Variants in RCCD1 observed in about 807,000 individuals in gnomAD.
RCCD1 encodes RCC1 domain containing 1.
A neutral mutation model predicts 37.6 loss-of-function variants in RCCD1; 40 were observed. That is an observed-to-expected ratio of 1.06 (90% confidence interval 0.83 to 1.39). The LOEUF (loss-of-function observed/expected upper bound fraction) is 1.39. RCCD1 is among the 40% of genes most tolerant of loss of function. RCCD1 has a pLI of 0.00. For synonymous variants in RCCD1, 263 were observed against 230.0 expected, an observed-to-expected ratio of 1.14 and a Z score of -1.30; for missense variants, 577 against 517.3, an observed-to-expected ratio of 1.12 and a Z score of -1.12.
chr15:90,960,547 G>GA, intron 6 of RCCD1, 49 bp downstream of exon 6: 1 of 1,560,310 alleles, frequency 6.4e-7, no homozygotes, highest in Non-Finnish European at 8.7e-7. Context: ...GGTGCCTACG[G>GA]AAGGGGGTGT....
rs546518627 is a variant in RCCD1, at chr15:90,962,782, T to C, written c.*1013T>C. The C allele has an allele frequency of 6.6e-6, 1 of 152,364 alleles. No individual in the cohort carries two copies. The highest frequency in any genetic ancestry group is 1.9e-4 in the East Asian group (1 of 5,196). The allele number at this position is 152,364 out of a possible 1,614,324, so 9.4% of individuals were successfully genotyped here. On this transcript the variant is annotated 3_prime_UTR_variant, in exon 8 of 8. Transcript: ENST00000394258. Reference sequence around the variant, plus strand: ...ATGTTCTGTATTTTCCTTAGTGATTTTTCTTTTGGATATTTCAGATACAAG... The same window carrying C: ...ATGTTCTGTATTTTCCTTAGTGATTCTTCTTTTGGATATTTCAGATACAAG...
rs776268289 is a variant in RCCD1 at position 90,957,593 on chromosome 15, C to G, written c.558-11C>G. 3 of 1,614,020 alleles carry G rather than the reference C, an allele frequency of 1.9e-6. No individual in the cohort carries two copies. The highest frequency in any genetic ancestry group is 2.5e-6 in the Non-Finnish European group (3 of 1,180,018). Reference sequence around the variant, plus strand: ...ATGCGACTGTAGCTGACGACGGTCTCCCTTGCTCAGGCATGGACAGCTGGG... The same window carrying G: ...ATGCGACTGTAGCTGACGACGGTCTGCCTTGCTCAGGCATGGACAGCTGGG... On this transcript the variant is annotated splice_polypyrimidine_tract_variant and intron_variant, in intron 3 of 7. Transcript: ENST00000394258.
At position 90,962,405 on chromosome 15, in the gene RCCD1, G is replaced by T. The variant is rs561698126; in HGVS notation, c.*636G>T. 8 of 152,250 alleles carry T rather than the reference G, an allele frequency of 5.3e-5. No homozygotes were observed. Among genetic ancestry groups the T allele is most frequent in the African/African-American group, 1.9e-4 (8 of 41,538 alleles). 9.4% of individuals were successfully genotyped at this position (152,250 alleles called of 1,614,324 possible). On this transcript the variant is annotated 3_prime_UTR_variant, in exon 8 of 8. Transcript: ENST00000394258. ...GTCATTCCACATAATTCTTTGTGCA[G>T]TCTTCTGCACATGTGCACAAGTTCC...
chr15:90,961,141 T>C (rs2037307048), intron 7 of RCCD1, 87 bp downstream of exon 7: 1 of 1,351,500 alleles, frequency 7.4e-7, no homozygotes, highest in Non-Finnish European at 1.0e-6. Context: ...CCAACAAGAC[T>C]GGAGGAAGCA....
At position 90,961,859 on chromosome 15, in the gene RCCD1, G is replaced by T. The variant is rs1263364594; in HGVS notation, c.*90G>T. ...CCTGCACCCCAAGGGCCCCATATTT[G>T]CCCCTCCCCATCACAGTCCTGCCCT... On this transcript the variant is annotated 3_prime_UTR_variant, in exon 8 of 8. Transcript: ENST00000394258. The T allele has an allele frequency of 8.1e-6, 11 of 1,360,118 alleles. No individual in the cohort carries two copies. Among genetic ancestry groups the T allele is most frequent in the Non-Finnish European group, 1.1e-5 (11 of 985,568 alleles). 84.3% of individuals were successfully genotyped at this position (1,360,118 alleles called of 1,614,324 possible). A position where few individuals can be genotyped will look rare whatever the true frequency, so the allele number is the denominator to read the frequency against.
At chr15:90,961,126 C>G in intron 7 of RCCD1, 72 bp downstream of exon 7, 2 of 1,445,324 alleles carry the variant, frequency 1.4e-6, no homozygotes, top group Non-Finnish European at 1.9e-6. Context: ...GGGCAGGTGA[C>G]AAAGCCAACA....
intron 7 of RCCD1, 55 bp downstream of exon 7, chr15:90,961,109 G>A (rs2037306613): frequency 1.9e-6 from 3 of 1,557,828 alleles, no homozygotes; most frequent in Non-Finnish European, 2.6e-6. Context: ...AAAGACCTGG[G>A]AGTACAGGGC....
intron 1 of RCCD1, 188 bp downstream of exon 1, chr15:90,955,136 A>C (rs551805489): frequency 6.6e-6 from 1 of 152,188 alleles, no homozygotes; most frequent in South Asian, 2.1e-4. Flanking sequence ...CCTTGGTCCA[A>C]CGCCCCTCGG....
chr15:90,959,878 G>T, intron 4 of RCCD1, 22 bp from the exon 5 acceptor site: 2 of 1,553,586 alleles, frequency 1.3e-6, no homozygotes, highest in Non-Finnish European at 1.8e-6. Context: ...TCTGTTTCAT[G>T]TGTCCCCTTG....
At chr15:90,960,266 T>C (rs1369993399) in intron 5 of RCCD1, 62 bp from the exon 6 acceptor site, 9 of 1,492,964 alleles carry the variant, frequency 6.0e-6, no homozygotes, top group African/African-American at 1.4e-5. Flanking sequence ...AATAAGTGAC[T>C]GCATGAATAA....
At chr15:90,958,627 C>CAAAAAA (rs5814447) in intron 4 of RCCD1, among the ~76,000 whole-genome samples, 25 of 74,962 alleles carry the variant, frequency 3.3e-4, no homozygotes, top group Non-Finnish European at 5.1e-4. Context: ...GACTCAGTCT[C>CAAAAAA]AAAAAAAAAA....
In RCCD1 at chr15:90,954,895, G is replaced by A. The variant is rs1481357960; in HGVS notation, c.-177G>A. 6.6e-6 allele frequency: 1 copy of A among 152,366 alleles called. No homozygotes were observed. The highest frequency in any genetic ancestry group is 1.5e-5 in the Non-Finnish European group (1 of 68,136). The allele number at this position is 152,366 out of a possible 1,614,324, so 9.4% of individuals were successfully genotyped here. ...GGAAGGTAAAAGCTGCTTCCTGTTG[G>A]GGCATGAGTCCGGCGCGTGTCGGGT... On this transcript the variant is annotated 5_prime_UTR_variant, in exon 1 of 8. Coordinates refer to ENST00000394258, the MANE Select transcript of RCCD1 (RefSeq NM_001017919.2).
Position 90,957,507 on chromosome 15 carries a change from A to T in RCCD1, c.557+4A>T. 1 of 1,572,546 alleles carries T rather than the reference A, an allele frequency of 6.4e-7. No homozygotes were observed. The highest frequency in any genetic ancestry group is 1.1e-5 in the South Asian group (1 of 88,156). On this transcript the variant is annotated splice_donor_region_variant and intron_variant, in intron 3 of 7. Coordinates refer to ENST00000394258, the MANE Select transcript of RCCD1 (RefSeq NM_001017919.2). ...TGTTCTCCTGGGGCGGGGGCAGGTG[A>T]GCGGAGGCGGGGGCAGGTGAGGGCT...
chr15:90,957,046 G>T, intron 2 of RCCD1, 67 bp from the exon 3 acceptor site: 2 of 1,298,698 alleles, frequency 1.5e-6, no homozygotes, highest in Non-Finnish European at 2.0e-6. Context: ...CCCCTTCCCA[G>T]GAACACCCCG....
At chr15:90,957,835 TC>T (rs1312457715) in intron 4 of RCCD1, 110 bp downstream of exon 4, 1 of 1,411,374 alleles carries the variant, frequency 7.1e-7, no homozygotes, top group Non-Finnish European at 9.6e-7. Context: ...AATTCATCCA[TC>T]CATCGCCCAG....
intron 5 of RCCD1, 136 bp from the exon 6 acceptor site, chr15:90,960,192 A>C: frequency 9.9e-7 from 1 of 1,005,136 alleles, no homozygotes; most frequent in Non-Finnish European, 1.5e-6. Context: ...CTGCCTGCAG[A>C]ATGTAGGGGT....
chr15:90,961,205 G>T (rs933295135), intron 7 of RCCD1, 151 bp downstream of exon 7: 13 of 736,270 alleles, frequency 1.8e-5, no homozygotes, highest in Non-Finnish European at 9.1e-6. Flanking sequence ...CCTGGGGTTG[G>T]AACAGACATA....
intron 2 of RCCD1, 97 bp from the exon 3 acceptor site, chr15:90,957,016 T>A (rs1445179949): frequency 7.8e-7 from 1 of 1,286,156 alleles, no homozygotes; most frequent in Non-Finnish European, 9.8e-7. Flanking sequence ...CCCCACATTC[T>A]GGGTTGGTCC....
intron 4 of RCCD1, among the ~76,000 whole-genome samples, chr15:90,959,574 A>G (rs2037271992): frequency 1.3e-5 from 2 of 152,222 alleles, no homozygotes; most frequent in East Asian, 3.9e-4. Context: ...GCATGAACCA[A>G]TGCACCTGGC....
Sources: gnomAD v4.1 joint callset for allele counts (sites outside exome capture counted in the v4.1 genomes callset) on GRCh38, gnomAD v4.1.1 for gene constraint, MANE v1.5 for transcripts, NCBI Gene and HGNC (gene_info 2026-07-23, HGNC 2026-07-21) for gene names.